CCSER2: variants seen among roughly 807,000 people sequenced by gnomAD.
CCSER2 encodes serine-rich coiled-coil domain-containing protein 2.
CCSER2 carries 46 observed loss-of-function variants against 92.3 expected under a neutral mutation model. That is an observed-to-expected ratio of 0.50 (90% CI 0.39 to 0.64). The LOEUF (loss-of-function observed/expected upper bound fraction) is 0.64. Among genes scored for constraint, CCSER2 ranks in the 30% least tolerant of loss-of-function variants. CCSER2 has a pLI of 0.00. For missense variants in CCSER2, 1,244 were observed against 1,238.9 expected (o/e 1.00, Z -0.06); for synonymous variants, 433 against 431.4 (o/e 1.00, Z -0.04).
chr10:84,429,101 G>C (rs542422849), intron 5 of CCSER2, among the ~76,000 whole-genome samples: 9 of 151,768 alleles, frequency 5.9e-5, no homozygotes, highest in African/African-American at 2.2e-4. Flanking sequence ...GGACCACACA[G>C]ATTGAATTGG....
rs186814534 is a variant in CCSER2 at position 84,517,308 on chromosome 10, G to T, written c.*3041G>T. 2.6e-5 allele frequency: 4 copies of T among 152,746 alleles called. No homozygotes were observed. Among genetic ancestry groups the T allele is most frequent in the Middle Eastern group, 3.4e-3 (1 of 292 alleles). The allele number at this position is 152,746 out of a possible 1,614,324, so 9.5% of individuals were successfully genotyped here. ...TGGCCTAAGGAGTTTATTGGTACAG[G>T]TGCAGATGATTTTAAGGCATTAAAG... On this transcript the variant is annotated 3_prime_UTR_variant, in exon 10 of 10. Coordinates refer to ENST00000372088, the MANE Select transcript of CCSER2 (RefSeq NM_001284240.2).
intron 9 of CCSER2, among the ~76,000 whole-genome samples, chr10:84,478,938 T>C (rs1362067427): frequency 1.3e-5 from 2 of 152,224 alleles, no homozygotes; most frequent in Non-Finnish European, 2.9e-5. Context: ...AGACAGTTGT[T>C]TAATAGAAGA....
chr10:84,447,218 T>C (rs1456836649), intron 6 of CCSER2, among the ~76,000 whole-genome samples: 1 of 152,214 alleles, frequency 6.6e-6, no homozygotes, highest in East Asian at 1.9e-4. Flanking sequence ...CCTCAAGTAG[T>C]AGATGTTGTT....
intron 1 of CCSER2, among the ~76,000 whole-genome samples, chr10:84,347,985 A>G (rs1472212535): frequency 1.3e-5 from 2 of 152,090 alleles, no homozygotes; most frequent in East Asian, 3.9e-4. Context: ...AGCCGGGCAG[A>G]GGGGCTCCTT....
intron 1 of CCSER2, among the ~76,000 whole-genome samples, chr10:84,347,355 G>A (rs926394237): frequency 3.9e-5 from 6 of 152,108 alleles, no homozygotes; most frequent in South Asian, 2.1e-4. Flanking sequence ...AGGGGCGGCC[G>A]GGCAGAGGTG....
At chr10:84,462,849 A>T (rs560320755) in intron 6 of CCSER2, among the ~76,000 whole-genome samples, 1 of 152,256 alleles carries the variant, frequency 6.6e-6, no homozygotes, top group Non-Finnish European at 1.5e-5. Flanking sequence ...CACCTCCCCT[A>T]TTGTAGACAT....
intron 1 of CCSER2, among the ~76,000 whole-genome samples, chr10:84,346,873 A>G (rs1368096819): frequency 6.6e-6 from 1 of 152,006 alleles, no homozygotes; most frequent in South Asian, 2.1e-4. Context: ...AGGGAAGGTC[A>G]GCAGATAAAC....
chr10:84,508,328 T>C (rs1849174138), intron 9 of CCSER2, among the ~76,000 whole-genome samples: 2 of 152,186 alleles, frequency 1.3e-5, no homozygotes, highest in South Asian at 2.1e-4. Flanking sequence ...GAGTATGACA[T>C]TTCTCAGGTG....
rs1245698865 is a variant in CCSER2, at chr10:84,347,547, G to C, written c.-40+18739G>C. ...TCCCGGACGGGGCGGCTGGCCGGGCGGGGGCTGCCTCCCACCTCCCTCGCG... is the reference window on the plus strand; with the variant it reads ...TCCCGGACGGGGCGGCTGGCCGGGCCGGGGCTGCCTCCCACCTCCCTCGCG... On this transcript the variant is annotated intron_variant, in intron 1 of 9. Coordinates refer to ENST00000372088, the MANE Select transcript of CCSER2 (RefSeq NM_001284240.2). 2.6e-5 allele frequency among the ~76,000 whole-genome samples: 4 copies of C among 151,622 alleles called. No homozygotes were observed. The South Asian group carries it at 6.3e-4, about 24-fold the overall frequency.
intron 9 of CCSER2, among the ~76,000 whole-genome samples, chr10:84,495,694 G>C (rs1413784154): frequency 6.6e-6 from 1 of 150,888 alleles, no homozygotes; most frequent in Non-Finnish European, 1.5e-5. Context: ...TTATCATTTT[G>C]TGAGGTCTCT....
intron 9 of CCSER2, among the ~76,000 whole-genome samples, chr10:84,483,393 C>CA (rs768732138): frequency 0.049 from 3,638 of 74,226 alleles, 68 homozygotes; most frequent in South Asian, 0.13. Flanking sequence ...AACTCTGTCT[C>CA]AAAAAAAAAA....
chr10:84,344,384 CTTTAT>C (rs1477569751), intron 1 of CCSER2, among the ~76,000 whole-genome samples: 1 of 150,912 alleles, frequency 6.6e-6, no homozygotes, highest in Non-Finnish European at 1.5e-5. Flanking sequence ...TTTGCTGTTG[CTTTAT>C]TTTTTTCTTT....
intron 6 of CCSER2, among the ~76,000 whole-genome samples, chr10:84,447,429 A>G (rs374415565): frequency 2.0e-5 from 3 of 152,190 alleles, no homozygotes; most frequent in South Asian, 2.1e-4. Context: ...ATTTTTGTAT[A>G]TTCTAGATGC....
In CCSER2 at chr10:84,463,936, G is replaced by C. The variant is rs751534446; in HGVS notation, c.2068G>C (p.Asp690His). Reference protein sequence around the residue: ...LKLKRLLHQHDGSGSLHDIQL... With the variant: ...LKLKRLLHQHHGSGSLHDIQL... Reference sequence around the variant, plus strand: ...TTTCTTCCCTTCTTTCTGACAGCATGATGGAAGTGGTTCATTGCATGATAT... The same window carrying C: ...TTTCTTCCCTTCTTTCTGACAGCATCATGGAAGTGGTTCATTGCATGATAT... The change falls in exon 7 of 10, where the codon GAT becomes CAT. Residue 690 changes from aspartate (D) to histidine (H), a missense_variant. Asp to His is a moderately conservative substitution (Grantham distance 81). Coordinates refer to ENST00000372088, the MANE Select transcript of CCSER2 (RefSeq NM_001284240.2). The C allele has an allele frequency of 6.2e-7, 1 of 1,602,600 alleles. No individual in the cohort carries two copies. Among genetic ancestry groups the C allele is most frequent in the Non-Finnish European group, 8.5e-7 (1 of 1,170,358 alleles).
chr10:84,461,678 C>G (rs1449003279), intron 6 of CCSER2, among the ~76,000 whole-genome samples: 1 of 151,188 alleles, frequency 6.6e-6, no homozygotes, highest in Non-Finnish European at 1.5e-5. Context: ...TTTTTTCCCC[C>G]TGAGATTTTC....
intron 1 of CCSER2, among the ~76,000 whole-genome samples, chr10:84,354,539 A>AACCCCCG (rs1470934245): frequency 1.7e-5 from 2 of 116,944 alleles, no homozygotes; most frequent in Non-Finnish European, 3.5e-5. Flanking sequence ...TCTCTGTGCC[A>AACCCCCG]CCCCCCGCCC....
intron 9 of CCSER2, among the ~76,000 whole-genome samples, chr10:84,484,125 C>T (rs1461736911): frequency 6.6e-6 from 1 of 151,142 alleles, no homozygotes; most frequent in Non-Finnish European, 1.5e-5. Context: ...AGGTGCCCGC[C>T]ACTATGCTTG....
chr10:84,347,405 G>T (rs1336626368), intron 1 of CCSER2, among the ~76,000 whole-genome samples: 2 of 150,350 alleles, frequency 1.3e-5, no homozygotes, highest in African/African-American at 2.4e-5. Flanking sequence ...CCGGGGAGGG[G>T]GGGTGCTGAC....
chr10:84,417,007 T>C (rs931202227), intron 3 of CCSER2, among the ~76,000 whole-genome samples: 3 of 152,254 alleles, frequency 2.0e-5, no homozygotes. Flanking sequence ...TTTACTTGTA[T>C]ATACTAAGGA....
Sources: allele counts gnomAD v4.1 joint callset (sites outside exome capture counted in the v4.1 genomes callset), GRCh38; gene constraint gnomAD v4.1.1; transcripts MANE v1.5; gene names NCBI Gene and HGNC (gene_info 2026-07-23, HGNC 2026-07-21).